The following SLCO1A2 variants were observed in gnomAD, a reference collection of about 807,000 sequenced individuals.
The protein encoded by SLCO1A2 is solute carrier organic anion transporter family member 1A2, also known as OATP-1.
Under a neutral mutation model 69.0 loss-of-function variants are expected in SLCO1A2, and 67 were observed. The ratio of observed to expected loss-of-function variants is 0.97; its 90% CI spans 0.80 to 1.19. The LOEUF (loss-of-function observed/expected upper bound fraction) is 1.19. Ranked by LOEUF, SLCO1A2 falls within the 50% of genes most tolerant of loss-of-function variation. The pLI, the probability that SLCO1A2 is intolerant of heterozygous loss-of-function variation, is 0.00. For missense variants in SLCO1A2, 787 were observed against 793.7 expected, an observed-to-expected ratio of 0.99 and a Z score of 0.10; for synonymous variants, 260 against 265.9, an observed-to-expected ratio of 0.98 and a Z score of 0.22.
chr12:21,378,228 T>C (rs1940347547), intron 1 of SLCO1A2: 5 of 1,613,742 alleles, frequency 3.1e-6, no homozygotes, highest in African/African-American at 1.3e-5. Context: ...ATTTGTTCCA[T>C]GTTACCAGTC....
intron 3 of SLCO1A2, among the ~76,000 whole-genome samples, chr12:21,316,407 C>T (rs1420658033): frequency 2.0e-5 from 3 of 152,148 alleles, no homozygotes; most frequent in Non-Finnish European, 4.4e-5. Flanking sequence ...CCCCTATCGT[C>T]GCTCCTACCT....
intron 1 of SLCO1A2, chr12:21,378,177 T>A: frequency 6.8e-7 from 1 of 1,460,444 alleles, no homozygotes; most frequent in Non-Finnish European, 9.6e-7. Flanking sequence ...TGATGTCACA[T>A]GGCTGGATCC....
chr12:21,295,658 A>T lies in SLCO1A2; in HGVS notation c.1210T>A (p.Leu404Ile). 6.2e-7 allele frequency: 1 copy of T among 1,606,864 alleles called. No individual in the cohort carries two copies. Among genetic ancestry groups the T allele is most frequent in the Non-Finnish European group, 8.5e-7 (1 of 1,173,702 alleles). Residue 404 changes from leucine to isoleucine, a missense_variant, in exon 10 of 15, where the codon TTA becomes ATA. By Grantham distance (5) the Leu-to-Ile change is conservative. Coordinates refer to ENST00000683939, the MANE Select transcript of SLCO1A2 (RefSeq NM_001386879.1). Reference sequence around the variant, plus strand: ...TTTTCACAAGTCATGAGAAAAGATAAAAAATAGAGAAGATACTCAAGTAAG... The same window carrying T: ...TTTTCACAAGTCATGAGAAAAGATATAAAATAGAGAAGATACTCAAGTAAG... Reference protein sequence around the residue: ...LSLLEYLLYFLSFLMTCENSS... With the variant: ...LSLLEYLLYFISFLMTCENSS...
At chr12:21,271,731 CAT>C (rs1942891362) in intron 14 of SLCO1A2, among the ~76,000 whole-genome samples, 1 of 146,980 alleles carries the variant, frequency 6.8e-6, no homozygotes, top group Non-Finnish European at 1.5e-5. Flanking sequence ...ATATATGTTG[CAT>C]ATGTATATTT....
At chr12:21,417,044 C>T (rs1942000248) in intron 1 of SLCO1A2, among the ~76,000 whole-genome samples, 2 of 152,038 alleles carry the variant, frequency 1.3e-5, no homozygotes, top group Admixed American at 1.3e-4. Context: ...AGAACGTAAG[C>T]TCCATGAATG....
Position 21,409,364 on chromosome 12 carries a change from T to G in SLCO1A2, c.-312+8518A>C, listed in dbSNP as rs148904040. Among the ~76,000 whole-genome samples, 16 of 152,314 alleles carry G rather than the reference T, an allele frequency of 1.1e-4. No homozygotes were observed. The East Asian group carries it at 3.1e-3, about 29-fold the overall frequency. ...AACTAGGGTCAGCCTGTGGGTAGAA[T>G]CTGGCCTGCCACCTGATTTTGTAAT... is the stretch of plus-strand genomic sequence containing the variant. On this transcript the variant is annotated intron_variant, in intron 1 of 4. Transcript: ENST00000413682.
At chr12:21,324,490 G>C (rs998315446) in intron 2 of SLCO1A2, 1 of 152,132 alleles carries the variant, frequency 6.6e-6, no homozygotes, top group African/African-American at 2.4e-5. Flanking sequence ...TCTAGTCAAA[G>C]ACTTGGTAAA....
chr12:21,401,911 T>G (rs1174313355), intron 1 of SLCO1A2, among the ~76,000 whole-genome samples: 3 of 151,482 alleles, frequency 2.0e-5, no homozygotes, highest in East Asian at 3.9e-4. Flanking sequence ...ATATACATAA[T>G]AAATATATAA....
intron 2 of SLCO1A2, among the ~76,000 whole-genome samples, chr12:21,341,360 A>T (rs968373990): frequency 6.6e-6 from 1 of 152,014 alleles, no homozygotes; most frequent in African/African-American, 2.4e-5. Context: ...TCCTTTAGGA[A>T]TTTCTATGCT....
intron 4 of SLCO1A2, among the ~76,000 whole-genome samples, chr12:21,309,285 G>A (rs1949817720): frequency 6.6e-6 from 1 of 151,822 alleles, no homozygotes; most frequent in Admixed American, 6.6e-5. Flanking sequence ...AGGTATAGGG[G>A]AGATATTATC....
chr12:21,408,183 T>C (rs948922164), intron 1 of SLCO1A2, among the ~76,000 whole-genome samples: 17 of 152,268 alleles, frequency 1.1e-4, no homozygotes, highest in African/African-American at 3.6e-4. Context: ...CTGTCCAAAA[T>C]ACACAAAAAT....
chr12:21,333,640 G>T (rs1387718692), intron 2 of SLCO1A2, among the ~76,000 whole-genome samples: 2 of 151,968 alleles, frequency 1.3e-5, no homozygotes, highest in African/African-American at 4.8e-5. Flanking sequence ...AAGACCTCTT[G>T]TTTATAAATA....
chr12:21,274,365 A>G, intron 14 of SLCO1A2, 104 bp downstream of exon 14: 1 of 675,086 alleles, frequency 1.5e-6, no homozygotes, highest in Non-Finnish European at 2.6e-6. Flanking sequence ...AATAACCACA[A>G]AAGTATTCTT....
rs1381294975 is a variant in SLCO1A2, at chr12:21,292,347, A to C, written c.1438-11T>G. 6.2e-7 allele frequency: 1 copy of C among 1,602,826 alleles called. No individual in the cohort carries two copies. The highest frequency in any genetic ancestry group is 1.1e-5 in the South Asian group (1 of 89,970). The stretch of plus-strand genomic sequence containing the variant: ...GCAATTTTGGAACACCTGCCAAAAA[A>C]TAACATATTATACTAAGAAGTAAAA... On this transcript the variant is annotated splice_polypyrimidine_tract_variant and intron_variant, in intron 11 of 14. Transcript: ENST00000683939.
At chr12:21,310,289 TTA>T (rs1949948690) in intron 4 of SLCO1A2, among the ~76,000 whole-genome samples, 1 of 152,228 alleles carries the variant, frequency 6.6e-6, no homozygotes, top group Non-Finnish European at 1.5e-5. Context: ...CATATAAAAG[TTA>T]TGTTTGCACT....
chr12:21,270,122 T>A (rs1942541718), intron 14 of SLCO1A2, among the ~76,000 whole-genome samples: 1 of 151,860 alleles, frequency 6.6e-6, no homozygotes, highest in East Asian at 1.9e-4. Context: ...TTCCAAAGAA[T>A]CATCATGAAT....
intron 6 of SLCO1A2, among the ~76,000 whole-genome samples, chr12:21,303,829 G>A (rs1949020547): frequency 6.6e-6 from 1 of 152,122 alleles, no homozygotes; most frequent in South Asian, 2.1e-4. Flanking sequence ...ATTAAGAAGA[G>A]AAACTGTATA....
At chr12:21,329,866 A>C (rs998460616) in intron 2 of SLCO1A2, among the ~76,000 whole-genome samples, 7 of 151,196 alleles carry the variant, frequency 4.6e-5, no homozygotes, top group African/African-American at 1.7e-4. Flanking sequence ...TTCCCATTGA[A>C]AAAAATAGGA....
intron 2 of SLCO1A2, among the ~76,000 whole-genome samples, chr12:21,349,727 C>T (rs373101509): frequency 1.3e-5 from 2 of 152,284 alleles, no homozygotes; most frequent in South Asian, 4.1e-4. Context: ...TCTCCAGCAT[C>T]GGCCAGTCCA....
Sources: gnomAD v4.1 joint callset for allele counts (sites outside exome capture counted in the v4.1 genomes callset) on GRCh38, gnomAD v4.1.1 for gene constraint, MANE v1.5 for transcripts, NCBI Gene and HGNC (gene_info 2026-07-23, HGNC 2026-07-21) for gene names.